HCRTR2: variants seen among roughly 807,000 people sequenced by gnomAD.
HCRTR2 encodes orexin receptor type 2.
HCRTR2 carries 22 observed loss-of-function variants against 49.0 expected under a neutral mutation model. That is an observed-to-expected ratio of 0.45 (90% CI 0.32 to 0.64). The LOEUF (loss-of-function observed/expected upper bound fraction) is 0.64, where lower values mean the gene tolerates loss of function less well. Among genes scored for constraint, HCRTR2 ranks in the 30% least tolerant of loss-of-function variants. The pLI is 0.04. For missense variants in HCRTR2, 491 were observed against 559.4 expected (o/e 0.88, Z 1.23); for synonymous variants, 236 against 205.3 (o/e 1.15, Z -1.28).
chr6:55,118,761 G>A (rs527358965), intron 1 of HCRTR2, among the ~76,000 whole-genome samples: 127 of 150,176 alleles, frequency 8.5e-4, no homozygotes, highest in African/African-American at 3.0e-3. Flanking sequence ...GTTTATTCTT[G>A]TAAATTTTCT....
intron 1 of HCRTR2, among the ~76,000 whole-genome samples, chr6:55,213,473 T>C (rs1022981216): frequency 5.9e-5 from 9 of 152,136 alleles, no homozygotes; most frequent in Non-Finnish European, 1.3e-4. Flanking sequence ...CTTCCGTCCA[T>C]GGAACCACTG....
intron 1 of HCRTR2, among the ~76,000 whole-genome samples, chr6:55,203,180 T>C (rs1223201439): frequency 6.6e-6 from 1 of 152,206 alleles, no homozygotes; most frequent in Non-Finnish European, 1.5e-5. Context: ...AGGAAATATG[T>C]ATGAATGTAT....
chr6:55,258,212 A>G (rs988393680), intron 3 of HCRTR2, among the ~76,000 whole-genome samples: 2 of 152,160 alleles, frequency 1.3e-5, no homozygotes, highest in African/African-American at 4.8e-5. Context: ...ATTGTAAAAT[A>G]TCTTCTATTT....
chr6:55,124,017 T>A (rs1764239931), intron 1 of HCRTR2, among the ~76,000 whole-genome samples: 1 of 152,038 alleles, frequency 6.6e-6, no homozygotes, highest in African/African-American at 2.4e-5. Flanking sequence ...TTCTCTCTTT[T>A]CTTCTTTGTC....
At chr6:55,267,635 G>T (rs1766887245) in intron 4 of HCRTR2, among the ~76,000 whole-genome samples, 1 of 152,050 alleles carries the variant, frequency 6.6e-6, no homozygotes, top group Non-Finnish European at 1.5e-5. Context: ...CAGCTATGGT[G>T]TGAGGTACTG....
chr6:55,220,110 A>G (rs1765864144), intron 1 of HCRTR2, among the ~76,000 whole-genome samples: 1 of 152,142 alleles, frequency 6.6e-6, no homozygotes, highest in African/African-American at 2.4e-5. Flanking sequence ...GAATTCTGCC[A>G]ACATTTAATA....
intron 1 of HCRTR2, among the ~76,000 whole-genome samples, chr6:55,237,389 C>T (rs1301013670): frequency 6.6e-6 from 1 of 152,152 alleles, no homozygotes; most frequent in African/African-American, 2.4e-5. Flanking sequence ...TTTAGGAGAG[C>T]TTGTCTACTT....
chr6:55,130,194 A>G (rs895489805), intron 1 of HCRTR2, among the ~76,000 whole-genome samples: 9 of 151,864 alleles, frequency 5.9e-5, no homozygotes, highest in Non-Finnish European at 1.3e-4. Context: ...TCTCTAAATT[A>G]TGGACCTCTA....
intron 1 of HCRTR2, among the ~76,000 whole-genome samples, chr6:55,215,481 A>G (rs1286400557): frequency 6.6e-6 from 1 of 152,242 alleles, no homozygotes; most frequent in African/African-American, 2.4e-5. Context: ...ACAAAAGCAT[A>G]TAAAAGTATA....
chr6:55,244,750 A>T (rs1040657459), intron 1 of HCRTR2, among the ~76,000 whole-genome samples: 2 of 152,078 alleles, frequency 1.3e-5, no homozygotes, highest in Non-Finnish European at 2.9e-5. Flanking sequence ...TAGTCCATTT[A>T]AAGACAGATA....
At chr6:55,239,643 C>T (rs1159436834) in intron 1 of HCRTR2, among the ~76,000 whole-genome samples, 1 of 152,016 alleles carries the variant, frequency 6.6e-6, no homozygotes, top group African/African-American at 2.4e-5. Flanking sequence ...CTTTTCTCAA[C>T]ATTAACATAA....
chr6:55,121,732 T>A (rs1375485198), intron 1 of HCRTR2, among the ~76,000 whole-genome samples: 1 of 152,190 alleles, frequency 6.6e-6, no homozygotes, highest in African/African-American at 2.4e-5. Flanking sequence ...GTGGTTTTTG[T>A]CTTTGGTTCT....
intron 3 of HCRTR2, among the ~76,000 whole-genome samples, chr6:55,259,219 G>A (rs1432341055): frequency 1.1e-4 from 7 of 64,924 alleles, no homozygotes; most frequent in Non-Finnish European, 2.7e-4. Flanking sequence ...TTCTTTGGTA[G>A]GCTAAAAAAA....
At chr6:55,165,924 A>G (rs1764871800) in intron 1 of HCRTR2, among the ~76,000 whole-genome samples, 1 of 151,834 alleles carries the variant, frequency 6.6e-6, no homozygotes, top group South Asian at 2.1e-4. Flanking sequence ...TTTACTCAGG[A>G]GGCAAATACA....
In HCRTR2 at chr6:55,111,765, T is replaced by G. The variant is rs376520786; in HGVS notation, c.-378+5220T>G. On this transcript the variant is annotated intron_variant, in intron 1 of 7. Coordinates refer to the HCRTR2 transcript ENST00000615358. ...ATCCTGTTGATACTATTCCAAAAGA[T>G]AGAGGAAATCCTCCCTAAATCATTC... 8.6e-5 allele frequency among the ~76,000 whole-genome samples: 13 copies of G among 151,262 alleles called. No homozygotes were observed. The East Asian group carries it at 1.6e-3, about 18-fold the overall frequency.
chr6:55,263,592 C>T, intron 3 of HCRTR2, 115 bp from the exon 4 acceptor site: 1 of 690,972 alleles, frequency 1.4e-6, no homozygotes, highest in South Asian at 1.6e-5. Context: ...CATAATATGA[C>T]AATGAAATCA....
chr6:55,112,438 C>T (rs1764061356), intron 1 of HCRTR2, among the ~76,000 whole-genome samples: 1 of 150,696 alleles, frequency 6.6e-6, no homozygotes, highest in African/African-American at 2.4e-5. Context: ...TCAATGAATT[C>T]AGTAAAGTTT....
At chr6:55,253,276 T>C (rs1011030663) in intron 2 of HCRTR2, among the ~76,000 whole-genome samples, 3 of 151,844 alleles carry the variant, frequency 2.0e-5, no homozygotes, top group South Asian at 2.1e-4. Flanking sequence ...AGTGACTCAA[T>C]AGTGTGCAGC....
chr6:55,194,188 A>T (rs1765371363), intron 1 of HCRTR2, among the ~76,000 whole-genome samples: 1 of 152,178 alleles, frequency 6.6e-6, no homozygotes, highest in Admixed American at 6.5e-5. Flanking sequence ...GGGAGTTTCC[A>T]AGCTAGCTTG....
Sources: gnomAD v4.1 joint callset for allele counts (sites outside exome capture counted in the v4.1 genomes callset) on GRCh38, gnomAD v4.1.1 for gene constraint, MANE v1.5 for transcripts, NCBI Gene and HGNC (gene_info 2026-07-23, HGNC 2026-07-21) for gene names.